The following DLGAP1 variants were observed in gnomAD, a reference collection of about 807,000 sequenced individuals.
The protein encoded by DLGAP1 is disks large-associated protein 1.
In DLGAP1, 11 loss-of-function variants were observed where a neutral mutation model predicts 90.8. That is an observed-to-expected ratio of 0.12 (90% CI 0.08 to 0.20). The LOEUF (loss-of-function observed/expected upper bound fraction) is 0.20, where lower values mean the gene tolerates loss of function less well. Among genes scored for constraint, DLGAP1 ranks in the 10% least tolerant of loss-of-function variants. The pLI, the probability that DLGAP1 is intolerant of heterozygous loss-of-function variation, is 1.00. For synonymous variants in DLGAP1, 558 were observed against 540.7 expected (o/e 1.03, Z -0.44); for missense variants, 1,050 against 1,333.8 (o/e 0.79, Z 3.31).
intron 1 of DLGAP1, among the ~76,000 whole-genome samples, chr18:4,338,897 A>G (rs1229327321): frequency 1.3e-5 from 2 of 152,152 alleles, no homozygotes; most frequent in African/African-American, 4.8e-5. Context: ...GGACCTTCAA[A>G]AATACGTTAT....
intron 2 of DLGAP1, among the ~76,000 whole-genome samples, chr18:4,103,276 G>T (rs984481473): frequency 1.3e-5 from 2 of 152,132 alleles, no homozygotes; most frequent in African/African-American, 4.8e-5. Context: ...AGAGGAACTG[G>T]TATCTTGTTC....
chr18:3,520,952 C>T (rs1317049186), intron 10 of DLGAP1, among the ~76,000 whole-genome samples: 2 of 152,178 alleles, frequency 1.3e-5, no homozygotes, highest in Non-Finnish European at 2.9e-5. Flanking sequence ...CGCTCTCTGG[C>T]TGACTCTGCC....
intron 1 of DLGAP1, among the ~76,000 whole-genome samples, chr18:4,440,519 T>C (rs73943542): frequency 0.035 from 5,292 of 152,254 alleles, 184 homozygotes; most frequent in African/African-American, 0.092. Context: ...TGTCTAGAAC[T>C]TTCACTAAGT....
chr18:3,809,643 C>T (rs1376367055), intron 5 of DLGAP1, among the ~76,000 whole-genome samples: 2 of 152,140 alleles, frequency 1.3e-5, no homozygotes, highest in Non-Finnish European at 2.9e-5. Flanking sequence ...CTGACTATTT[C>T]TTCCAGGGGG....
intron 2 of DLGAP1, among the ~76,000 whole-genome samples, chr18:4,076,167 C>G (rs2075520440): frequency 6.6e-6 from 1 of 152,130 alleles, no homozygotes; most frequent in Admixed American, 6.5e-5. Flanking sequence ...TCCCAATGTG[C>G]TGTTTTTCTT....
intron 9 of DLGAP1, among the ~76,000 whole-genome samples, chr18:3,551,650 CTCTT>C (rs59660442): frequency 1.3e-5 from 1 of 74,958 alleles, no homozygotes; most frequent in Non-Finnish European, 2.8e-5. Flanking sequence ...CTTTCTCTCT[CTCTT>C]TGTCTCTTTC....
At chr18:4,189,161 C>A (rs965665808) in intron 1 of DLGAP1, among the ~76,000 whole-genome samples, 1 of 152,018 alleles carries the variant, frequency 6.6e-6, no homozygotes, top group Non-Finnish European at 1.5e-5. Flanking sequence ...TGCTTTATAA[C>A]TAGGGCCTGC....
chr18:4,301,003 G>C (rs1299827536), intron 1 of DLGAP1, among the ~76,000 whole-genome samples: 1 of 151,856 alleles, frequency 6.6e-6, no homozygotes, highest in African/African-American at 2.4e-5. Context: ...ATTATAAATT[G>C]ACAAATTATA....
rs568837966 is a variant in DLGAP1, at chr18:4,163,387, C to T, written c.-266-12100G>A. ...CAACGTTGTATATCTGTACGCACTA[C>T]TATTCTTTACAGTGCCTTAGACGGC... On this transcript the variant is annotated intron_variant, in intron 1 of 12. Coordinates refer to ENST00000315677, the MANE Select transcript of DLGAP1 (RefSeq NM_004746.4). Among the ~76,000 whole-genome samples, 10 of 152,338 alleles carry T rather than the reference C, an allele frequency of 6.6e-5. No homozygotes were observed. In the South Asian group the frequency reaches 1.7e-3, roughly 25 times the overall value.
At chr18:3,857,649 C>A (rs754115380) in intron 4 of DLGAP1, among the ~76,000 whole-genome samples, 9 of 152,090 alleles carry the variant, frequency 5.9e-5, no homozygotes, top group Non-Finnish European at 8.8e-5. Context: ...ACTTTTCTGG[C>A]CTATTTTTAT....
intron 6 of DLGAP1, among the ~76,000 whole-genome samples, chr18:3,739,783 A>T (rs2062821637): frequency 1.9e-5 from 2 of 107,200 alleles, no homozygotes. Flanking sequence ...TAAAAATAAA[A>T]GAAAAAAAAA....
chr18:3,952,083 A>T (rs970898780), intron 3 of DLGAP1, among the ~76,000 whole-genome samples: 3 of 152,162 alleles, frequency 2.0e-5, no homozygotes, highest in Non-Finnish European at 4.4e-5. Flanking sequence ...ATAGAGAGAT[A>T]GTTAGGAATG....
At chr18:3,843,005 C>T (rs555076365) in intron 4 of DLGAP1, among the ~76,000 whole-genome samples, 1 of 152,268 alleles carries the variant, frequency 6.6e-6, no homozygotes, top group East Asian at 1.9e-4. Flanking sequence ...TGCCTTCTGT[C>T]AGGCCTTTTT....
chr18:3,722,003 C>T (rs2062000994), intron 7 of DLGAP1: 1 of 152,138 alleles, frequency 6.6e-6, no homozygotes, highest in Non-Finnish European at 1.5e-5. Flanking sequence ...TTAAACTAAG[C>T]CACATTGAGA....
intron 5 of DLGAP1, among the ~76,000 whole-genome samples, chr18:3,754,820 C>CG (rs1568075849): frequency 2.0e-5 from 3 of 151,536 alleles, no homozygotes; most frequent in African/African-American, 4.8e-5. Flanking sequence ...TGCTTGAACC[C>CG]GGGGGTTGGA....
At chr18:4,130,146 CGT>C (rs2076292023) in intron 2 of DLGAP1, among the ~76,000 whole-genome samples, 1 of 152,090 alleles carries the variant, frequency 6.6e-6, no homozygotes, top group Non-Finnish European at 1.5e-5. Context: ...ATTTTCCTTC[CGT>C]GTTGGTTTTT....
Position 3,539,280 on chromosome 18 carries a change from C to T in DLGAP1, c.2058-4665G>A, listed in dbSNP as rs187244358. ...TTTTTGAAAGAATTGATCAGTTCCT[C>T]GTTGATGATATCAACCCAAAAGCTG... is the stretch of plus-strand genomic sequence containing the variant. On this transcript the variant is annotated intron_variant, in intron 9 of 12. Coordinates refer to ENST00000315677, the MANE Select transcript of DLGAP1 (RefSeq NM_004746.4). Among the ~76,000 whole-genome samples, 153 of 152,322 alleles carry T rather than the reference C, an allele frequency of 1.0e-3. 2 individuals carry two copies. The highest frequency in any genetic ancestry group is 7.3e-3 in the South Asian group (35 of 4,822).
intron 7 of DLGAP1, among the ~76,000 whole-genome samples, chr18:3,708,005 A>C (rs2061489014): frequency 7.3e-6 from 1 of 137,760 alleles, no homozygotes. Context: ...CATCCTTTGT[A>C]ATTCCTTTTT....
rs148256279 is a variant in DLGAP1 at position 4,398,978 on chromosome 18, C to T, written c.-267+56028G>A. On this transcript the variant is annotated intron_variant, in intron 1 of 12. Transcript: ENST00000315677. Reference sequence around the variant, plus strand: ...TCCCAAGTAGCTGGGACTACAAGCGCGCACCACTACGCCTGGTTAATTTTT... The same window carrying T: ...TCCCAAGTAGCTGGGACTACAAGCGTGCACCACTACGCCTGGTTAATTTTT... Among the ~76,000 whole-genome samples the T allele has an allele frequency of 7.9e-5, 12 of 152,222 alleles. No individual in the cohort carries two copies. The East Asian group carries it at 9.7e-4, about 12-fold the overall frequency.
Sources: gnomAD v4.1 joint callset for allele counts (sites outside exome capture counted in the v4.1 genomes callset) on GRCh38, gnomAD v4.1.1 for gene constraint, MANE v1.5 for transcripts, NCBI Gene and HGNC (gene_info 2026-07-23, HGNC 2026-07-21) for gene names.